Variants in FTCDNL1 observed in about 807,000 individuals in gnomAD.
The protein encoded by FTCDNL1 is formiminotransferase N-terminal subdomain-containing protein.
In FTCDNL1, 11 loss-of-function variants were observed where a neutral mutation model predicts 5.9. That is an observed-to-expected ratio of 1.87 (90% CI 1.18 to 3.10). The LOEUF (loss-of-function observed/expected upper bound fraction) is 3.10, where lower values mean the gene tolerates loss of function less well. Among genes scored for constraint, FTCDNL1 ranks in the 30% most tolerant of loss-of-function variants. The pLI, the probability that FTCDNL1 is intolerant of heterozygous loss-of-function variation, is 0.00. For synonymous variants in FTCDNL1, 58 were observed against 24.8 expected, an observed-to-expected ratio of 2.34 and a Z score of -3.99; for missense variants, 115 against 65.5, an observed-to-expected ratio of 1.76 and a Z score of -2.61.
At chr2:199,820,355 GT>G (rs1469669878) in intron 3 of FTCDNL1, among the ~76,000 whole-genome samples, 1 of 152,062 alleles carries the variant, frequency 6.6e-6, no homozygotes, top group Non-Finnish European at 1.5e-5. Flanking sequence ...TATAATTCCA[GT>G]ACTTTGGGAG....
the FTCDNL1 span, among the ~76,000 whole-genome samples, chr2:199,690,411 C>A: frequency 1.5e-3 from 234 of 152,302 alleles, no homozygotes; most frequent in African/African-American, 5.3e-3. Flanking sequence ...TAGGCCCGTT[C>A]CATTCACTCC....
At chr2:199,840,482 G>A (rs1559243786) in intron 3 of FTCDNL1, among the ~76,000 whole-genome samples, 2 of 152,008 alleles carry the variant, frequency 1.3e-5, no homozygotes, top group African/African-American at 4.8e-5. Context: ...GTTTGTGTGA[G>A]TGTGTGTGTG....
At chr2:199,833,247 C>T (rs931882874) in intron 3 of FTCDNL1, among the ~76,000 whole-genome samples, 7 of 152,190 alleles carry the variant, frequency 4.6e-5, no homozygotes, top group Non-Finnish European at 8.8e-5. Flanking sequence ...GCTGGGATTA[C>T]AGGCATGAGC....
chr2:199,779,930 G>A (rs1002024757), intron 3 of FTCDNL1, among the ~76,000 whole-genome samples: 2 of 152,162 alleles, frequency 1.3e-5, no homozygotes, highest in African/African-American at 4.8e-5. Context: ...CTCAGCAGAG[G>A]ACCACAGCCT....
chr2:199,833,183 G>A (rs1397999525), intron 3 of FTCDNL1, among the ~76,000 whole-genome samples: 5 of 152,050 alleles, frequency 3.3e-5, no homozygotes, highest in Non-Finnish European at 5.9e-5. Flanking sequence ...TGTTGCCCAA[G>A]CTGGTCTGGA....
At chr2:199,763,564 C>T (rs1026452747) in intron 3 of FTCDNL1, among the ~76,000 whole-genome samples, 11 of 152,150 alleles carry the variant, frequency 7.2e-5, no homozygotes, top group Non-Finnish European at 1.5e-4. Context: ...CCTGTGTTTC[C>T]TGCCTGGATC....
At chr2:199,775,370 C>T (rs1699008546) in intron 3 of FTCDNL1, among the ~76,000 whole-genome samples, 1 of 152,216 alleles carries the variant, frequency 6.6e-6, no homozygotes, top group African/African-American at 2.4e-5. Flanking sequence ...GATATAACGG[C>T]CCATCAGAGT....
At chr2:199,790,256 G>C (rs1202128900) in intron 3 of FTCDNL1, among the ~76,000 whole-genome samples, 1 of 152,090 alleles carries the variant, frequency 6.6e-6, no homozygotes, top group African/African-American at 2.4e-5. Context: ...CCAGCACTTT[G>C]GAAGGTCAAG....
intron 3 of FTCDNL1, among the ~76,000 whole-genome samples, chr2:199,837,461 A>G (rs1702831034): frequency 6.6e-6 from 1 of 152,198 alleles, no homozygotes; most frequent in Non-Finnish European, 1.5e-5. Flanking sequence ...TCTCAACCAA[A>G]TCCAACACTG....
chr2:199,733,790 A>G, the FTCDNL1 span, among the ~76,000 whole-genome samples: 409 of 152,346 alleles, frequency 2.7e-3, 12 homozygotes, highest in Admixed American at 0.024. Flanking sequence ...AAATTTAAGC[A>G]AAGCATTTAG....
At chr2:199,691,606 T>C in the FTCDNL1 span, among the ~76,000 whole-genome samples, 1 of 152,202 alleles carries the variant, frequency 6.6e-6, no homozygotes, top group African/African-American at 2.4e-5. Context: ...AAATTGCTTG[T>C]AGTTTGCTCC....
the FTCDNL1 span, among the ~76,000 whole-genome samples, chr2:199,684,170 A>G: frequency 4.6e-5 from 7 of 152,240 alleles, no homozygotes; most frequent in African/African-American, 1.7e-4. Flanking sequence ...AAACGTTGCA[A>G]TTTTAGATGG....
At chr2:199,790,122 C>G (rs943409806) in intron 3 of FTCDNL1, among the ~76,000 whole-genome samples, 3 of 152,004 alleles carry the variant, frequency 2.0e-5, no homozygotes, top group Admixed American at 2.0e-4. Flanking sequence ...TACTAAAACA[C>G]TTTTGAAAGA....
chr2:199,765,925 C>G (rs998129071), intron 3 of FTCDNL1, among the ~76,000 whole-genome samples: 2 of 152,078 alleles, frequency 1.3e-5, no homozygotes, highest in Admixed American at 6.6e-5. Flanking sequence ...GGGTCTCTTT[C>G]TCCTTCTCTG....
chr2:199,720,229 T>C, the FTCDNL1 span, among the ~76,000 whole-genome samples: 1 of 152,174 alleles, frequency 6.6e-6, no homozygotes, highest in Non-Finnish European at 1.5e-5. Context: ...TCTTGCCAGG[T>C]TGCTCTGGTG....
the FTCDNL1 span, among the ~76,000 whole-genome samples, chr2:199,688,666 C>A: frequency 6.6e-6 from 1 of 152,190 alleles, no homozygotes; most frequent in African/African-American, 2.4e-5. Context: ...AACATCCCAG[C>A]ACATTCCTTG....
At chr2:199,745,814 G>T in the FTCDNL1 span, among the ~76,000 whole-genome samples, 1 of 151,964 alleles carries the variant, frequency 6.6e-6, no homozygotes, top group African/African-American at 2.4e-5. Flanking sequence ...GAGACCTTGG[G>T]TAGGAGTTAC....
the FTCDNL1 span, among the ~76,000 whole-genome samples, chr2:199,753,692 C>T: frequency 1.1e-4 from 17 of 152,082 alleles, no homozygotes; most frequent in African/African-American, 3.9e-4. Context: ...CGGTTTGTTG[C>T]CTCTCAAGAG....
the FTCDNL1 span, among the ~76,000 whole-genome samples, chr2:199,744,901 G>A: frequency 6.6e-6 from 1 of 152,222 alleles, no homozygotes; most frequent in Admixed American, 6.5e-5. Flanking sequence ...GGCAAGAGAC[G>A]GGAAAACGCC....
Sources: gnomAD v4.1 joint callset for allele counts (sites outside exome capture counted in the v4.1 genomes callset) on GRCh38, gnomAD v4.1.1 for gene constraint, MANE v1.5 for transcripts, NCBI Gene and HGNC (gene_info 2026-07-23, HGNC 2026-07-21) for gene names.